ZNF704: variants seen among roughly 807,000 people sequenced by gnomAD.
ZNF704 encodes the protein glucocorticoid induced gene 1.
Under a neutral mutation model 44.7 loss-of-function variants are expected in ZNF704, and 10 were observed. The ratio of observed to expected loss-of-function variants is 0.22; its 90% CI spans 0.14 to 0.38. The LOEUF is 0.38. Ranked by LOEUF, ZNF704 falls within the 10% of genes least tolerant of loss-of-function variation. The pLI, the probability that ZNF704 is intolerant of heterozygous loss-of-function variation, is 1.00. For synonymous variants in ZNF704, 211 were observed against 207.6 expected (o/e 1.02, Z -0.14); for missense variants, 390 against 545.5 (o/e 0.71, Z 2.84).
intron 2 of ZNF704, among the ~76,000 whole-genome samples, chr8:80,773,115 G>A (rs1807352374): frequency 6.6e-6 from 1 of 152,108 alleles, no homozygotes; most frequent in African/African-American, 2.4e-5. Flanking sequence ...AAAACATACT[G>A]TATATGATTT....
intron 2 of ZNF704, among the ~76,000 whole-genome samples, chr8:80,730,620 A>G (rs1280141972): frequency 6.6e-6 from 1 of 151,952 alleles, no homozygotes; most frequent in Non-Finnish European, 1.5e-5. Context: ...ATAATTACCA[A>G]CAATAATAAT....
intron 2 of ZNF704, among the ~76,000 whole-genome samples, chr8:80,704,196 G>A (rs1818859821): frequency 6.6e-6 from 1 of 152,154 alleles, no homozygotes; most frequent in African/African-American, 2.4e-5. Context: ...TGATTAGCTG[G>A]ACTTCTTGAT....
intron 1 of ZNF704, among the ~76,000 whole-genome samples, chr8:80,836,766 G>T (rs546666299): frequency 6.6e-6 from 1 of 152,182 alleles, no homozygotes; most frequent in South Asian, 2.1e-4. Context: ...TCCAGCCTGG[G>T]CGACAGAGTG....
intron 4 of ZNF704, among the ~76,000 whole-genome samples, chr8:80,670,878 CAG>C (rs1252666032): frequency 6.6e-6 from 1 of 152,196 alleles, no homozygotes; most frequent in African/African-American, 2.4e-5. Flanking sequence ...GCTGTCTAAA[CAG>C]TGGATAACAT....
At chr8:80,781,199 T>C (rs1201615391) in intron 2 of ZNF704, among the ~76,000 whole-genome samples, 1 of 152,178 alleles carries the variant, frequency 6.6e-6, no homozygotes, top group Non-Finnish European at 1.5e-5. Flanking sequence ...ATTTATCTGG[T>C]CTGAGGTGGG....
chr8:80,872,467 TCTAA>T (rs1809269260), intron 1 of ZNF704, among the ~76,000 whole-genome samples: 1 of 152,232 alleles, frequency 6.6e-6, no homozygotes, highest in South Asian at 2.1e-4. Flanking sequence ...TTTAGTGGTC[TCTAA>T]CTATTAAGCT....
At position 80,630,663 on chromosome 8, in the gene ZNF704, T is replaced by C. The variant is rs1319228811; in HGVS notation, c.*10703A>G. The C allele has an allele frequency of 1.3e-5, 2 of 152,198 alleles. No individual in the cohort carries two copies. Among genetic ancestry groups the C allele is most frequent in the Non-Finnish European group, 2.9e-5 (2 of 68,040 alleles). The allele number at this position is 152,198 out of a possible 1,614,324, so 9.4% of individuals were successfully genotyped here. A position where few individuals can be genotyped will look rare whatever the true frequency, so the allele number is the denominator to read the frequency against. ...ACCGTAGGCCACTCGCAGTTGCATC[T>C]GATGATAGTCATGAACCCTTTGGGA... is the stretch of plus-strand genomic sequence containing the variant. On this transcript the variant is annotated 3_prime_UTR_variant, in exon 9 of 9. Transcript: ENST00000327835.
At chr8:80,767,786 T>C (rs796935439) in intron 2 of ZNF704, among the ~76,000 whole-genome samples, 84 of 152,312 alleles carry the variant, frequency 5.5e-4, no homozygotes, top group African/African-American at 1.9e-3. Flanking sequence ...CTACTCAGCT[T>C]TTTTGCTGCT....
rs141598315 is a variant in ZNF704 at position 80,724,902 on chromosome 8, A to G, written c.222-31795T>C. 7.2e-4 allele frequency among the ~76,000 whole-genome samples: 110 copies of G among 152,282 alleles called. 2 individuals are homozygous for G. The highest frequency in any genetic ancestry group is 2.9e-3 in the East Asian group (15 of 5,182). On this transcript the variant is annotated intron_variant, in intron 2 of 8. Transcript: ENST00000327835. ...GCAGTCTCTTCAGAAGTTAAATAAAATCATGCCATTCCAGGTCTGAACAAT... is the reference window on the plus strand; with the variant it reads ...GCAGTCTCTTCAGAAGTTAAATAAAGTCATGCCATTCCAGGTCTGAACAAT...
In ZNF704 at chr8:80,712,866, A is replaced by AG. The variant is rs201107047; in HGVS notation, c.222-19760dup. Among the ~76,000 whole-genome samples, 723 of 142,012 alleles carry AG rather than the reference A, an allele frequency of 5.1e-3. 5 individuals are homozygous for AG. The highest frequency in any genetic ancestry group is 0.02 in the African/African-American group (665 of 32,586). The allele number at this position is 142,012 out of a possible 152,430, so 93.2% of individuals were successfully genotyped here. ...GTTAATTTTTGTAGATGGTTGAAGT[A>AG]GGGGTTTTTTTGTTTGTTTGTTTGT... is the stretch of plus-strand genomic sequence containing the variant. On this transcript the variant is annotated intron_variant, in intron 2 of 8. Coordinates refer to ENST00000327835, the MANE Select transcript of ZNF704 (RefSeq NM_001033723.3).
At chr8:80,802,216 C>T (rs1173849962) in intron 2 of ZNF704, among the ~76,000 whole-genome samples, 1 of 148,380 alleles carries the variant, frequency 6.7e-6, no homozygotes, top group African/African-American at 2.5e-5. Context: ...AAAAAAAAGC[C>T]CAGGACCAGA....
chr8:80,641,801 C>T (rs946457387), intron 8 of ZNF704, among the ~76,000 whole-genome samples: 1 of 152,114 alleles, frequency 6.6e-6, no homozygotes, highest in Non-Finnish European at 1.5e-5. Flanking sequence ...GTGGAGTTTG[C>T]AGTGAGCCAA....
intron 1 of ZNF704, 67 bp from the exon 2 acceptor site, chr8:80,821,682 G>A: frequency 8.4e-7 from 1 of 1,195,716 alleles, no homozygotes; most frequent in African/African-American, 1.5e-5. Context: ...ACTGCAGATG[G>A]CGGTGAGGAG....
intron 2 of ZNF704, among the ~76,000 whole-genome samples, chr8:80,704,489 G>A (rs1430415822): frequency 1.3e-5 from 2 of 152,198 alleles, no homozygotes; most frequent in African/African-American, 4.8e-5. Flanking sequence ...CGAGATGACT[G>A]GTGGCAGGCA....
chr8:80,846,593 A>G (rs1429897626), intron 1 of ZNF704, among the ~76,000 whole-genome samples: 1 of 152,184 alleles, frequency 6.6e-6, no homozygotes, highest in Non-Finnish European at 1.5e-5. Context: ...GCTCTCAAAG[A>G]AGGAGGTATT....
chr8:80,668,678 T>C (rs1199514745), intron 5 of ZNF704, among the ~76,000 whole-genome samples: 3 of 152,172 alleles, frequency 2.0e-5, no homozygotes, highest in Admixed American at 2.0e-4. Flanking sequence ...GATTGAAAAG[T>C]GTGTGCTTTT....
chr8:80,659,476 C>T (rs1818064401), intron 7 of ZNF704, 109 bp downstream of exon 7: 1 of 856,310 alleles, frequency 1.2e-6, no homozygotes, highest in Admixed American at 1.8e-5. Context: ...TATAGTACTT[C>T]TGGCATTCTG....
intron 1 of ZNF704, among the ~76,000 whole-genome samples, chr8:80,838,732 TGGAGGA>T (rs140901931): frequency 0.037 from 4,699 of 128,134 alleles, 279 homozygotes; most frequent in African/African-American, 0.13. Context: ...GAGCAGACAC[TGGAGGA>T]GGAGGAGGAG....
At position 80,645,202 on chromosome 8, in the gene ZNF704, G is replaced by A. The variant is rs1317746838; in HGVS notation, c.1033-2073C>T. ...GCTCGGTTTGCTAGCCTTCAGCCCC[G>A]CGCCGCCAACCTCCCGGAAAAAGAA... On this transcript the variant is annotated intron_variant, in intron 7 of 8. Transcript: ENST00000327835. The A allele has an allele frequency of 1.0e-5, 16 of 1,568,016 alleles. No individual in the cohort carries two copies. In the East Asian group the frequency reaches 1.2e-4, roughly 11 times the overall value.
Sources: allele counts gnomAD v4.1 joint callset (sites outside exome capture counted in the v4.1 genomes callset), GRCh38; gene constraint gnomAD v4.1.1; transcripts MANE v1.5; gene names NCBI Gene and HGNC (gene_info 2026-07-23, HGNC 2026-07-21).